PDE4D: variants seen among roughly 807,000 people sequenced by gnomAD.
The protein encoded by PDE4D is phosphodiesterase 4D.
In PDE4D, 24 loss-of-function variants were observed where a neutral mutation model predicts 87.4. The ratio of observed to expected loss-of-function variants is 0.27; its 90% CI spans 0.20 to 0.39. The LOEUF is 0.39. Ranked by LOEUF, PDE4D falls within the 10% of genes least tolerant of loss-of-function variation. The probability of loss-of-function intolerance (pLI) is 1.00; values close to 1 mark genes in which losing one functional copy is unlikely to be tolerated. For synonymous variants in PDE4D, 384 were observed against 383.2 expected, an observed-to-expected ratio of 1.00 and a Z score of -0.02; for missense variants, 714 against 1,041.0, an observed-to-expected ratio of 0.69 and a Z score of 4.32.
chr5:59,478,240 A>C (rs1460247658), intron 1 of PDE4D, among the ~76,000 whole-genome samples: 1 of 152,136 alleles, frequency 6.6e-6, no homozygotes, highest in Non-Finnish European at 1.5e-5. Context: ...ATAACATTTA[A>C]TAATTACCAT....
At chr5:60,095,989 A>G (rs1428854910) in intron 2 of PDE4D, among the ~76,000 whole-genome samples, 1 of 152,114 alleles carries the variant, frequency 6.6e-6, no homozygotes, top group Non-Finnish European at 1.5e-5. Flanking sequence ...GATTCTGGAT[A>G]TTAGCCCTTT....
At chr5:60,002,129 C>A (rs544258982) in intron 2 of PDE4D, among the ~76,000 whole-genome samples, 3 of 151,182 alleles carry the variant, frequency 2.0e-5, no homozygotes, top group Non-Finnish European at 3.0e-5. Flanking sequence ...AAAAAAAATC[C>A]AACAAAATGC....
chr5:59,742,806 C>A (rs1482210781), intron 1 of PDE4D, among the ~76,000 whole-genome samples: 1 of 152,168 alleles, frequency 6.6e-6, no homozygotes, highest in Non-Finnish European at 1.5e-5. Context: ...TGGCCTCCCA[C>A]ATTGCTGGAA....
chr5:59,979,989 A>G (rs1761749820), intron 3 of PDE4D, among the ~76,000 whole-genome samples: 1 of 152,184 alleles, frequency 6.6e-6, no homozygotes, highest in Admixed American at 6.5e-5. Context: ...ATGAATTTCA[A>G]CTGAAAATAT....
chr5:59,546,693 G>A (rs369087437), intron 1 of PDE4D, among the ~76,000 whole-genome samples: 1 of 152,082 alleles, frequency 6.6e-6, no homozygotes, highest in African/African-American at 2.4e-5. Context: ...CAACTTCAGA[G>A]AACTGAAGGA....
intron 1 of PDE4D, among the ~76,000 whole-genome samples, chr5:59,272,530 C>T (rs978486402): frequency 4.0e-5 from 6 of 150,968 alleles, no homozygotes; most frequent in South Asian, 2.1e-4. Flanking sequence ...CATGCAGGCA[C>T]ATTTTTTTAA....
At chr5:59,175,471 CTTTTTTTTTTTTTTTTTT>C (rs563138575) in intron 5 of PDE4D, among the ~76,000 whole-genome samples, 1 of 91,208 alleles carries the variant, frequency 1.1e-5, no homozygotes, top group Non-Finnish European at 2.1e-5. Flanking sequence ...ATTTTTCTTT[CTTTTTTTTTTTTTTTTTT>C]TTTTTTTTTT....
chr5:59,550,129 T>C (rs1270903795), intron 1 of PDE4D, among the ~76,000 whole-genome samples: 3 of 152,078 alleles, frequency 2.0e-5, no homozygotes, highest in Non-Finnish European at 4.4e-5. Flanking sequence ...TTTTTTATTA[T>C]AAAAATGGGC....
chr5:59,843,789 C>T (rs975630180), intron 1 of PDE4D, among the ~76,000 whole-genome samples: 1 of 152,046 alleles, frequency 6.6e-6, no homozygotes, highest in Non-Finnish European at 1.5e-5. Flanking sequence ...ATTAAATACC[C>T]CATCCAGGAA....
intron 1 of PDE4D, among the ~76,000 whole-genome samples, chr5:60,392,914 T>G (rs1055223177): frequency 6.6e-6 from 1 of 152,242 alleles, no homozygotes; most frequent in Non-Finnish European, 1.5e-5. Flanking sequence ...TGTAAACTTC[T>G]TATTCAAGTA....
chr5:60,308,742 A>G (rs559755744), intron 1 of PDE4D, among the ~76,000 whole-genome samples: 1 of 152,280 alleles, frequency 6.6e-6, no homozygotes, highest in Non-Finnish European at 1.5e-5. Context: ...AGTTTTCACA[A>G]CCAGTTTTTC....
chr5:60,169,429 A>AT (rs1232878249), intron 2 of PDE4D, among the ~76,000 whole-genome samples: 1 of 152,022 alleles, frequency 6.6e-6, no homozygotes, highest in Non-Finnish European at 1.5e-5. Context: ...ATTTGCTCAG[A>AT]TTTTTTTCAA....
At chr5:59,214,596 A>G (rs1750820054) in intron 2 of PDE4D, among the ~76,000 whole-genome samples, 1 of 152,178 alleles carries the variant, frequency 6.6e-6, no homozygotes, top group Non-Finnish European at 1.5e-5. Flanking sequence ...TCAGAGCTTT[A>G]AATACACCAT....
chr5:59,963,830 A>C (rs1179540423), intron 3 of PDE4D, among the ~76,000 whole-genome samples: 3 of 152,146 alleles, frequency 2.0e-5, no homozygotes, highest in African/African-American at 7.2e-5. Context: ...TTTCAGCTCA[A>C]AAATGCCTCT....
At chr5:59,383,326 AAGCCTGCTCCAGTCTC>A (rs1786283485) in intron 1 of PDE4D, among the ~76,000 whole-genome samples, 1 of 152,004 alleles carries the variant, frequency 6.6e-6, no homozygotes, top group Non-Finnish European at 1.5e-5. Context: ...GAAAAATCGC[AAGCCTGCTCCAGTCTC>A]AGGATATTTG....
At chr5:59,921,781 A>G (rs149139734) in intron 3 of PDE4D, among the ~76,000 whole-genome samples, 13 of 152,338 alleles carry the variant, frequency 8.5e-5, no homozygotes, top group African/African-American at 3.1e-4. Flanking sequence ...TATTTTGGAA[A>G]GGCAGAGCAA....
chr5:60,080,364 C>A (rs1216895462), intron 2 of PDE4D, among the ~76,000 whole-genome samples: 2 of 152,118 alleles, frequency 1.3e-5, no homozygotes, highest in East Asian at 3.9e-4. Context: ...TATTTGATCA[C>A]CCTTTCTTTC....
chr5:59,832,932 A>C (rs1741471815), intron 1 of PDE4D, among the ~76,000 whole-genome samples: 1 of 152,034 alleles, frequency 6.6e-6, no homozygotes, highest in Non-Finnish European at 1.5e-5. Flanking sequence ...TCATTCGTTG[A>C]AGCAGAGATG....
At chr5:59,427,397 T>C (rs1486845907) in intron 1 of PDE4D, among the ~76,000 whole-genome samples, 2 of 151,864 alleles carry the variant, frequency 1.3e-5, no homozygotes, top group Non-Finnish European at 2.9e-5. Flanking sequence ...TAAACAAACA[T>C]TTATTATTTA....
Sources: gnomAD v4.1 joint callset for allele counts (sites outside exome capture counted in the v4.1 genomes callset) on GRCh38, gnomAD v4.1.1 for gene constraint, MANE v1.5 for transcripts, NCBI Gene and HGNC (gene_info 2026-07-23, HGNC 2026-07-21) for gene names.